Variants in GON4L observed in about 807,000 individuals in gnomAD.
GON4L encodes GON-4-like protein.
Under a neutral mutation model 211.8 loss-of-function variants are expected in GON4L, and 87 were observed. That is an observed-to-expected ratio of 0.41 (90% CI 0.35 to 0.49). The LOEUF is 0.49. Ranked by LOEUF, GON4L falls within the 20% of genes least tolerant of loss-of-function variation. The pLI is 0.15. For synonymous variants in GON4L, 875 were observed against 962.6 expected (o/e 0.91, Z 1.68); for missense variants, 2,155 against 2,659.5 (o/e 0.81, Z 4.17).
chr1:155,801,655 G>A (rs1666676396), intron 11 of GON4L, among the ~76,000 whole-genome samples: 1 of 152,006 alleles, frequency 6.6e-6, no homozygotes, highest in African/African-American at 2.4e-5. Context: ...GGCCAAGGAG[G>A]GTGGATCACC....
downstream of GON4L, chr1:155,747,916 G>A (rs751142884): frequency 1.9e-6 from 3 of 1,560,050 alleles, no homozygotes; most frequent in South Asian, 3.6e-5. Context: ...ACTTGGAGGA[G>A]TAAACATTCG....
intron 14 of GON4L, among the ~76,000 whole-genome samples, chr1:155,780,283 A>C (rs1165628966): frequency 1.3e-5 from 2 of 152,092 alleles, no homozygotes; most frequent in Non-Finnish European, 1.5e-5. Flanking sequence ...GCCAGTCAGA[A>C]TGACAATTAT....
rs768794688 is a variant in GON4L, at chr1:155,771,176, A to G, written c.2537T>C (p.Phe846Ser). The change falls in exon 19 of 32, where the codon TTT becomes TCT. Residue 846 changes from phenylalanine (F) to serine (S), a missense_variant. Phe to Ser is a radical substitution (Grantham distance 155). Transcript: ENST00000368331. ...GTACTTGCTGATTAGAGGATTAGGA[A>G]ACTCAGTTCCTTCAAAATGCTTCAG... is the stretch of plus-strand genomic sequence containing the variant. The part of the protein sequence containing the change: ...LGLKHFEGTE[F>S]PNPLISKYLL... 1 of 1,614,184 alleles carries G rather than the reference A, an allele frequency of 6.2e-7. No homozygotes were observed. The highest frequency in any genetic ancestry group is 1.7e-5 in the Admixed American group (1 of 60,006).
chr1:155,781,625 G>A (rs1664436325), intron 14 of GON4L, among the ~76,000 whole-genome samples: 1 of 151,660 alleles, frequency 6.6e-6, no homozygotes, highest in Non-Finnish European at 1.5e-5. Context: ...ACCATGCCTG[G>A]CTAATTTTTT....
Position 155,777,663 on chromosome 1 carries a change from C to T in GON4L, c.2050G>A (p.Asp684Asn), listed in dbSNP as rs369731724. 14 of 1,613,756 alleles carry T rather than the reference C, an allele frequency of 8.7e-6. No homozygotes were observed. In the African/African-American group the frequency reaches 1.7e-4, roughly 20 times the overall value. Residue 684 changes from aspartate to asparagine, a missense_variant, in exon 15 of 32, where the codon GAC (aspartate) becomes AAC (asparagine). Coordinates refer to ENST00000368331, the MANE Select transcript of GON4L (RefSeq NM_001282860.2). ...TGGAGTCTCTTCCTCTGTGCTGGGT[C>T]CAGAATCAGAGTCTGATGAACTTTC... Reference protein sequence around the residue: ...SEKVHQTLILDPAQRKRLQQQ... With the variant: ...SEKVHQTLILNPAQRKRLQQQ...
intron 12 of GON4L, among the ~76,000 whole-genome samples, chr1:155,790,300 A>G (rs1490663554): frequency 6.6e-6 from 1 of 151,662 alleles, no homozygotes. Context: ...GGGTTTCACC[A>G]TATTGGCCAG....
chr1:155,790,531 T>C (rs1665427718), intron 12 of GON4L, among the ~76,000 whole-genome samples: 1 of 152,154 alleles, frequency 6.6e-6, no homozygotes, highest in African/African-American at 2.4e-5. Flanking sequence ...TGTTAGCCAC[T>C]ACGCCCAGTT....
chr1:155,820,772 G>A, intron 5 of GON4L, 116 bp from the exon 6 acceptor site: 1 of 767,728 alleles, frequency 1.3e-6, no homozygotes, highest in Admixed American at 2.0e-5. Context: ...CTTGAGGCAA[G>A]GAGTTTGAGA....
chr1:155,824,354 A>G (rs1668987048), intron 3 of GON4L, among the ~76,000 whole-genome samples: 1 of 149,636 alleles, frequency 6.7e-6, no homozygotes, highest in Admixed American at 6.7e-5. Context: ...GAATTGCTTG[A>G]ACCCAGGAGG....
intron 13 of GON4L, 93 bp downstream of exon 13, chr1:155,785,240 CT>C: frequency 2.4e-6 from 2 of 843,868 alleles, no homozygotes; most frequent in Non-Finnish European, 4.2e-6. Context: ...GTCAGACCCC[CT>C]CTCCTAGAGG....
At chr1:155,841,040 A>T (rs1670727770) in intron 2 of GON4L, among the ~76,000 whole-genome samples, 1 of 152,236 alleles carries the variant, frequency 6.6e-6, no homozygotes. Context: ...AGTCTCAAAA[A>T]AAAAGTAAAC....
At chr1:155,840,022 C>T (rs1670637650) in intron 2 of GON4L, among the ~76,000 whole-genome samples, 1 of 152,214 alleles carries the variant, frequency 6.6e-6, no homozygotes, top group African/African-American at 2.4e-5. Context: ...ACCTTTTCAT[C>T]AGTTGCTGTA....
At chr1:155,748,637 C>T, downstream of GON4L, 4 of 1,613,324 alleles carry the variant, frequency 2.5e-6, no homozygotes, top group South Asian at 4.4e-5. Context: ...TCCCTTTCCC[C>T]TTGGCTCCAG....
At chr1:155,846,832 G>GA (rs1251118042) in intron 2 of GON4L, among the ~76,000 whole-genome samples, 2 of 151,734 alleles carry the variant, frequency 1.3e-5, no homozygotes, top group African/African-American at 2.4e-5. Context: ...CCAACATGGT[G>GA]AAACCCCATC....
chr1:155,847,915 C>T (rs759104751), intron 2 of GON4L, among the ~76,000 whole-genome samples: 2 of 150,630 alleles, frequency 1.3e-5, no homozygotes, highest in Non-Finnish European at 3.0e-5. Context: ...TACATACATA[C>T]AAAGAAGAAA....
intron 1 of GON4L, among the ~76,000 whole-genome samples, chr1:155,855,742 G>C (rs1282601627): frequency 6.6e-6 from 1 of 152,112 alleles, no homozygotes; most frequent in Non-Finnish European, 1.5e-5. Flanking sequence ...CAACACTCTG[G>C]GAGGCCAAGG....
At chr1:155,784,318 G>C (rs75135756) in intron 13 of GON4L, 4 of 427,066 alleles carry the variant, frequency 9.4e-6, no homozygotes, top group Non-Finnish European at 1.7e-5. Flanking sequence ...TAACAGTAAG[G>C]ACAGAGCGTG....
In GON4L at chr1:155,749,882, AATC is replaced by A. The variant is rs1274673390; in HGVS notation, c.*699_*701del. The A allele has an allele frequency of 6.2e-7, 1 of 1,601,440 alleles. No homozygotes were observed. Among genetic ancestry groups the A allele is most frequent in the African/African-American group, 1.4e-5 (1 of 73,762 alleles). On this transcript the variant is annotated 3_prime_UTR_variant, in exon 32 of 32. Coordinates refer to ENST00000368331, the MANE Select transcript of GON4L (RefSeq NM_001282860.2). ...AGTTTGGCGAGTCCCAGGGCAGAAT[AATC>A]ATCCATCTACAGGTCTCTGTTTCCT...
At chr1:155,774,806 C>G (rs1410831842) in intron 17 of GON4L, 196 bp downstream of exon 17, 2 of 893,156 alleles carry the variant, frequency 2.2e-6, no homozygotes, top group Non-Finnish European at 3.5e-6. Flanking sequence ...CCACACTTTA[C>G]CCAGGCCCAG....
Sources: gnomAD v4.1 joint callset for allele counts (sites outside exome capture counted in the v4.1 genomes callset) on GRCh38, gnomAD v4.1.1 for gene constraint, MANE v1.5 for transcripts, NCBI Gene and HGNC (gene_info 2026-07-23, HGNC 2026-07-21) for gene names.